CAPN3: variants seen among roughly 807,000 people sequenced by gnomAD.
The protein encoded by CAPN3 is calpain-3.
CAPN3 carries 88 observed loss-of-function variants against 114.0 expected under a neutral mutation model. The observed-to-expected ratio is 0.77, with a 90% CI of 0.65 to 0.92. CAPN3 has a LOEUF of 0.92. CAPN3 is among the 40% of genes least tolerant of loss of function. The probability of loss-of-function intolerance (pLI) is 0.00; values close to 1 mark genes in which losing one functional copy is unlikely to be tolerated. For synonymous variants in CAPN3, 386 were observed against 382.9 expected (o/e 1.01, Z -0.09); for missense variants, 1,028 against 1,069.0 (o/e 0.96, Z 0.53).
intron 3 of CAPN3, 142 bp downstream of exon 3, chr15:42,386,427 C>T (rs1223795469): frequency 1.3e-6 from 1 of 755,182 alleles, no homozygotes; most frequent in Non-Finnish European, 2.4e-6. Flanking sequence ...CCCCTTAAGG[C>T]TTCAAGCCTG....
At chr15:42,377,493 T>C (rs1007188721) in intron 1 of CAPN3, among the ~76,000 whole-genome samples, 3 of 152,236 alleles carry the variant, frequency 2.0e-5, no homozygotes, top group Non-Finnish European at 2.9e-5. Context: ...GATTTTTGAA[T>C]GTTGAACAAA....
intron 12 of CAPN3, 142 bp from the exon 13 acceptor site, chr15:42,402,652 G>A: frequency 6.5e-7 from 1 of 1,543,930 alleles, no homozygotes; most frequent in Non-Finnish European, 8.7e-7. Context: ...GGCTATTTAA[G>A]CCTTGGGAGT....
At chr15:42,405,102 C>T (rs994520908) in intron 14 of CAPN3, 1 of 850,842 alleles carries the variant, frequency 1.2e-6, no homozygotes, top group African/African-American at 1.8e-5. Flanking sequence ...GGAGCAGGGC[C>T]CTTGGCTCAG....
intron 23 of CAPN3, 50 bp from the exon 24 acceptor site, chr15:42,411,697 G>A (rs776580329): frequency 1.2e-5 from 10 of 810,134 alleles, no homozygotes; most frequent in South Asian, 4.1e-5. Context: ...GCGGGGGGGG[G>A]GGGGGTCACT....
chr15:42,359,993 A>T lies in CAPN3; in HGVS notation c.188A>T (p.Gln63Leu). Residue 63 changes from glutamine (Q) to leucine (L), a missense_variant, in exon 1 of 24, where the codon CAA becomes CTA. Coordinates refer to ENST00000397163, the MANE Select transcript of CAPN3 (RefSeq NM_000070.3). ...IIGVKEKTFE[Q>L]LHKKCLEKKV... is the part of the protein sequence containing the mutation. ...GGAGTGAAAGAGAAGACATTCGAGC[A>T]ACTTCACAAGAAATGTCTAGAAAAG... is the stretch of plus-strand genomic sequence containing the variant. The T allele has an allele frequency of 6.2e-7, 1 of 1,614,246 alleles. No homozygotes were observed. Among genetic ancestry groups the T allele is most frequent in the Non-Finnish European group, 8.5e-7 (1 of 1,180,044 alleles).
At chr15:42,404,738 A>T in intron 14 of CAPN3, 1 of 1,155,112 alleles carries the variant, frequency 8.7e-7, no homozygotes, top group Non-Finnish European at 1.1e-6. Context: ...GGGAGGACAA[A>T]TGCCCCTCTG....
At chr15:42,409,176 C>A in intron 16 of CAPN3, 127 bp from the exon 17 acceptor site, 2 of 786,348 alleles carry the variant, frequency 2.5e-6, no homozygotes. Flanking sequence ...TGCATTTGCC[C>A]GTCCCCAGCT....
intron 19 of CAPN3, 83 bp from the exon 20 acceptor site, chr15:42,410,345 A>G (rs996017044): frequency 3.2e-6 from 4 of 1,244,024 alleles, no homozygotes; most frequent in East Asian, 4.6e-5. Context: ...AGTGGGTAGG[A>G]CAGCCCGGAG....
intron 19 of CAPN3, among the ~76,000 whole-genome samples, 175 bp from the exon 20 acceptor site, chr15:42,410,253 A>G (rs1371961552): frequency 6.6e-6 from 1 of 152,156 alleles, no homozygotes; most frequent in Non-Finnish European, 1.5e-5. Context: ...GGTCCTTAGG[A>G]GAGCGGCTCC....
chr15:42,403,863 G>A (rs979287170), intron 14 of CAPN3, 86 bp downstream of exon 14: 8 of 1,195,836 alleles, frequency 6.7e-6, no homozygotes, highest in Non-Finnish European at 1.0e-5. Flanking sequence ...GGGGAGAATG[G>A]GCACTGGCAG....
At chr15:42,387,050 C>T (rs999195507) in intron 3 of CAPN3, among the ~76,000 whole-genome samples, 2 of 152,160 alleles carry the variant, frequency 1.3e-5, no homozygotes, top group African/African-American at 4.8e-5. Context: ...TCAGACTCCC[C>T]CTCCTGCCGC....
At chr15:42,375,065 G>A (rs1039852325) in intron 1 of CAPN3, among the ~76,000 whole-genome samples, 6 of 150,580 alleles carry the variant, frequency 4.0e-5, no homozygotes, top group Admixed American at 6.6e-5. Context: ...TGTTGCCCAG[G>A]CTGGTCTCAA....
At chr15:42,408,977 T>TAAAAAA in intron 16 of CAPN3, 1 of 394,220 alleles carries the variant, frequency 2.5e-6, no homozygotes, top group South Asian at 2.4e-5. Flanking sequence ...AGACCTTCTT[T>TAAAAAA]GACCTGCGGG....
At chr15:42,381,152 A>G (rs2053241231) in intron 1 of CAPN3, among the ~76,000 whole-genome samples, 1 of 152,086 alleles carries the variant, frequency 6.6e-6, no homozygotes, top group Non-Finnish European at 1.5e-5. Context: ...TAACTAAGTT[A>G]CCCTTTAGAT....
At chr15:42,369,725 C>G (rs1313812280) in intron 1 of CAPN3, among the ~76,000 whole-genome samples, 1 of 152,062 alleles carries the variant, frequency 6.6e-6, no homozygotes, top group Non-Finnish European at 1.5e-5. Context: ...TTTGTTGCCC[C>G]ACAACTGGAA....
chr15:42,399,781 T>A lies in CAPN3; in HGVS notation c.1354+129T>A. ...TCTTATTAAACCTTCCCTGTTTTAC[T>A]GAGAAGGAAACCACCATGCTGAGAA... On this transcript the variant is annotated intron_variant, in intron 10 of 23. Transcript: ENST00000397163. 2 of 829,056 alleles carry A rather than the reference T, an allele frequency of 2.4e-6. No individual in the cohort carries two copies. The highest frequency in any genetic ancestry group is 3.7e-6 in the Non-Finnish European group (2 of 546,324). The allele number at this position is 829,056 out of a possible 1,614,324, so 51.4% of individuals were successfully genotyped here.
chr15:42,388,457 C>T (rs948135391), intron 4 of CAPN3, among the ~76,000 whole-genome samples: 1 of 152,168 alleles, frequency 6.6e-6, no homozygotes, highest in Admixed American at 6.5e-5. Context: ...ATGCGGGCAT[C>T]ACCATGCCCA....
At chr15:42,394,901 C>G (rs918411448) in intron 8 of CAPN3, among the ~76,000 whole-genome samples, 4 of 152,164 alleles carry the variant, frequency 2.6e-5, no homozygotes, top group Non-Finnish European at 5.9e-5. Flanking sequence ...TATGAAGGCT[C>G]CAGCACATTT....
intron 1 of CAPN3, among the ~76,000 whole-genome samples, chr15:42,373,267 T>C (rs1388514692): frequency 3.3e-5 from 5 of 152,202 alleles, no homozygotes. Flanking sequence ...GGTGAGCCTA[T>C]TCAAAATGCA....
Sources: allele counts gnomAD v4.1 joint callset (sites outside exome capture counted in the v4.1 genomes callset), GRCh38; gene constraint gnomAD v4.1.1; transcripts MANE v1.5; gene names NCBI Gene and HGNC (gene_info 2026-07-23, HGNC 2026-07-21).